Variants in KAZN observed in about 807,000 individuals in gnomAD.
The protein encoded by KAZN is kazrin, periplakin interacting protein, also known as kazrin.
Under a neutral mutation model 87.4 loss-of-function variants are expected in KAZN, and 40 were observed. The ratio of observed to expected loss-of-function variants is 0.46; its 90% CI spans 0.36 to 0.60. The LOEUF is 0.60. Ranked by LOEUF, KAZN falls within the 20% of genes least tolerant of loss-of-function variation. The probability of loss-of-function intolerance (pLI) is 0.00; values close to 1 mark genes in which losing one functional copy is unlikely to be tolerated. For synonymous variants in KAZN, 466 were observed against 458.3 expected (o/e 1.02, Z -0.22); for missense variants, 898 against 1,073.9 (o/e 0.84, Z 2.29).
At chr1:14,240,748 CG>C (rs112691889) in intron 2 of KAZN, among the ~76,000 whole-genome samples, 6,185 of 152,206 alleles carry the variant, frequency 0.041, 438 homozygotes, top group African/African-American at 0.14. Flanking sequence ...ATAGCTGCAC[CG>C]GGTCACTATT....
At chr1:13,962,093 T>C (rs1557748671) in intron 1 of KAZN, among the ~76,000 whole-genome samples, 2 of 152,168 alleles carry the variant, frequency 1.3e-5, no homozygotes, top group African/African-American at 4.8e-5. Context: ...GTCCTCTTTT[T>C]CCTGTTGTGC....
intron 1 of KAZN, among the ~76,000 whole-genome samples, chr1:14,638,592 AC>A (rs1165899885): frequency 2.7e-4 from 37 of 136,852 alleles, no homozygotes; most frequent in African/African-American, 1.1e-3. Flanking sequence ...AAAAAAAAAA[AC>A]AAAAAGGGTT....
chr1:14,991,960 G>A (rs1294216039), intron 2 of KAZN, among the ~76,000 whole-genome samples: 1 of 152,198 alleles, frequency 6.6e-6, no homozygotes, highest in African/African-American at 2.4e-5. Flanking sequence ...TTTCTCTGAT[G>A]GACTGTGGGG....
chr1:14,746,437 G>A (rs1200233027), intron 1 of KAZN, among the ~76,000 whole-genome samples: 1 of 152,086 alleles, frequency 6.6e-6, no homozygotes, highest in Non-Finnish European at 1.5e-5. Flanking sequence ...TGAGGGAGAG[G>A]TCACTGGCAG....
At chr1:14,812,267 C>T (rs558602677) in intron 1 of KAZN, among the ~76,000 whole-genome samples, 127 of 152,306 alleles carry the variant, frequency 8.3e-4, no homozygotes, top group Middle Eastern at 3.4e-3. Flanking sequence ...CACCATGACA[C>T]GGGGCTCACA....
chr1:14,323,218 C>A (rs989335310), intron 2 of KAZN, among the ~76,000 whole-genome samples: 1 of 152,028 alleles, frequency 6.6e-6, no homozygotes, highest in Non-Finnish European at 1.5e-5. Flanking sequence ...CACACTAGCT[C>A]TTAGTGGCTT....
chr1:14,303,542 C>T (rs181493226), intron 2 of KAZN, among the ~76,000 whole-genome samples: 16 of 152,284 alleles, frequency 1.1e-4, no homozygotes, highest in South Asian at 2.1e-4. Context: ...TGCGCCCAGA[C>T]GGGAATCTGC....
intron 2 of KAZN, among the ~76,000 whole-genome samples, chr1:14,568,362 G>T (rs1396672884): frequency 6.6e-6 from 1 of 152,144 alleles, no homozygotes; most frequent in African/African-American, 2.4e-5. Context: ...CCGCTTTCAT[G>T]CTGCTGATAA....
intron 1 of KAZN, among the ~76,000 whole-genome samples, chr1:14,816,648 G>A (rs1646574165): frequency 6.6e-6 from 1 of 152,044 alleles, no homozygotes; most frequent in African/African-American, 2.4e-5. Flanking sequence ...TATAGATACA[G>A]ATAGATCTAG....
chr1:14,178,834 G>A (rs1295210179), intron 1 of KAZN, among the ~76,000 whole-genome samples: 1 of 152,060 alleles, frequency 6.6e-6, no homozygotes, highest in African/African-American at 2.4e-5. Flanking sequence ...AGGTATTTTA[G>A]TTACTTGCAG....
intron 1 of KAZN, among the ~76,000 whole-genome samples, chr1:14,747,644 G>A (rs1423195606): frequency 6.6e-6 from 1 of 152,200 alleles, no homozygotes; most frequent in Admixed American, 6.5e-5. Context: ...CCTTTTGGCT[G>A]TTGTGAATAA....
chr1:14,505,218 T>TCC (rs1280935536), intron 2 of KAZN, among the ~76,000 whole-genome samples: 1 of 152,152 alleles, frequency 6.6e-6, no homozygotes, highest in Non-Finnish European at 1.5e-5. Flanking sequence ...GAGAAAAGGC[T>TCC]CATGGGCCAG....
intron 2 of KAZN, among the ~76,000 whole-genome samples, chr1:14,541,937 C>T (rs575991803): frequency 1.7e-4 from 26 of 152,170 alleles, no homozygotes; most frequent in Non-Finnish European, 2.9e-4. Context: ...TGACAGCCCA[C>T]AAATCGGACT....
rs753588729 is a variant in KAZN at position 14,949,388 on chromosome 1, A to C, written c.227-11296A>C. Among the ~76,000 whole-genome samples, 50 of 152,112 alleles carry C rather than the reference A, an allele frequency of 3.3e-4. No homozygotes were observed. Among genetic ancestry groups the C allele is most frequent in the Non-Finnish European group, 1.5e-4 (10 of 68,022 alleles). ...AGCACTTCCCCATCCCTCCTGCCCA[A>C]GCAAATTCCCAAGTAGGTAGGAGCA... On this transcript the variant is annotated intron_variant, in intron 1 of 14. Transcript: ENST00000376030. The surrounding 1 kb of genome is among the most constrained non-coding windows in gnomAD (Gnocchi z 4.3).
chr1:14,297,074 A>T (rs551130002), intron 2 of KAZN, among the ~76,000 whole-genome samples: 1 of 152,294 alleles, frequency 6.6e-6, no homozygotes, highest in South Asian at 2.1e-4. Context: ...TCATGTATCA[A>T]TTAGCAATGC....
intron 1 of KAZN, among the ~76,000 whole-genome samples, chr1:14,099,883 C>A (rs72862537): frequency 0.093 from 14,095 of 152,172 alleles, 2,075 homozygotes; most frequent in African/African-American, 0.31. Flanking sequence ...ACAGTGCAAG[C>A]GATGAGCAAC....
chr1:14,898,771 C>T (rs1338458133), intron 1 of KAZN, among the ~76,000 whole-genome samples: 1 of 152,134 alleles, frequency 6.6e-6, no homozygotes, highest in Admixed American at 6.5e-5. Flanking sequence ...TCTAAGAGGG[C>T]GGGACTTATC....
intron 2 of KAZN, among the ~76,000 whole-genome samples, chr1:14,346,722 A>G (rs1171916584): frequency 6.6e-6 from 1 of 152,154 alleles, no homozygotes; most frequent in African/African-American, 2.4e-5. Context: ...GGCAAACAAA[A>G]TAAGTTGTTC....
Position 15,047,454 on chromosome 1 carries a change from G to A in KAZN, c.726+3295G>A, listed in dbSNP as rs140676374. On this transcript the variant is annotated intron_variant, in intron 4 of 14. Transcript: ENST00000376030. ...CACGTGCAGTGGGGAGGTGGAGGGC[G>A]CAGCTTAGCAATGGCAGAAGCCACG... Among the ~76,000 whole-genome samples, 271 of 152,252 alleles carry A rather than the reference G, an allele frequency of 1.8e-3. 1 individual carries two copies. Among genetic ancestry groups the A allele is most frequent in the African/African-American group, 5.8e-3 (240 of 41,556 alleles).
Sources: gnomAD v4.1 joint callset for allele counts (sites outside exome capture counted in the v4.1 genomes callset) on GRCh38, gnomAD v4.1.1 for gene constraint, Gnocchi (gnomAD v3.1) non-coding constraint, MANE v1.5 for transcripts, NCBI Gene and HGNC (gene_info 2026-07-23, HGNC 2026-07-21) for gene names.